PRPF3: variants seen among roughly 807,000 people sequenced by gnomAD.
PRPF3 encodes the protein pre-mRNA processing factor 3.
A neutral mutation model predicts 89.2 loss-of-function variants in PRPF3; 3 were observed. The observed-to-expected ratio is 0.03, with a 90% CI of 0.02 to 0.09. The LOEUF (loss-of-function observed/expected upper bound fraction) is 0.09, where lower values mean the gene tolerates loss of function less well. Ranked by LOEUF, PRPF3 falls within the 10% of genes least tolerant of loss-of-function variation. The pLI is 1.00. For synonymous variants in PRPF3, 270 were observed against 289.1 expected (o/e 0.93, Z 0.67); for missense variants, 463 against 828.8 (o/e 0.56, Z 5.42).
chr1:150,322,792 C>A (rs1473069471), intron 1 of PRPF3, among the ~76,000 whole-genome samples: 11 of 151,888 alleles, frequency 7.2e-5, no homozygotes, highest in Non-Finnish European at 1.3e-4. Context: ...AAGATGATTC[C>A]CAGATCTTTG....
chr1:150,334,819 T>G (rs1656798636), intron 6 of PRPF3, 116 bp from the exon 7 acceptor site: 1 of 1,253,876 alleles, frequency 8.0e-7, no homozygotes, highest in Non-Finnish European at 1.1e-6. Flanking sequence ...TCCCTCTGCC[T>G]TGGCCTCCCA....
chr1:150,342,647 C>T (rs55736278), intron 9 of PRPF3, among the ~76,000 whole-genome samples: 15 of 151,972 alleles, frequency 9.9e-5, no homozygotes, highest in Admixed American at 8.5e-4. Flanking sequence ...CTCAGCCTCC[C>T]GAGTAGCTGG....
At chr1:150,332,651 T>C in intron 4 of PRPF3, 33 bp from the exon 5 acceptor site, 1 of 1,604,330 alleles carries the variant, frequency 6.2e-7, no homozygotes, top group Non-Finnish European at 8.5e-7. Context: ...AAGGAGAAAT[T>C]AACAGTTTTT....
intron 3 of PRPF3, among the ~76,000 whole-genome samples, chr1:150,326,485 C>G (rs887579286): frequency 9.9e-5 from 15 of 152,078 alleles, no homozygotes; most frequent in Non-Finnish European, 2.1e-4. Flanking sequence ...ATCCTGGCCT[C>G]TTTCAGTATT....
At chr1:150,335,381 A>G in intron 7 of PRPF3, 140 bp downstream of exon 7, 4 of 1,008,240 alleles carry the variant, frequency 4.0e-6, no homozygotes, top group Non-Finnish European at 5.9e-6. Flanking sequence ...GGCACCAGGG[A>G]CTTGTTTCAT....
At chr1:150,322,102 T>C (rs1655115524) in intron 1 of PRPF3, among the ~76,000 whole-genome samples, 1 of 152,196 alleles carries the variant, frequency 6.6e-6, no homozygotes, top group Admixed American at 6.5e-5. Flanking sequence ...AACTTTTTTA[T>C]CCATTGGCTG....
intron 14 of PRPF3, among the ~76,000 whole-genome samples, chr1:150,348,241 G>A (rs1097066): frequency 0.6 from 90,809 of 151,364 alleles, 27,775 homozygotes; most frequent in African/African-American, 0.65. Flanking sequence ...TGAGCTGGGC[G>A]TGGCAGCGTG....
intron 15 of PRPF3, among the ~76,000 whole-genome samples, chr1:150,351,256 C>T (rs1658897863): frequency 6.6e-6 from 1 of 152,062 alleles, no homozygotes; most frequent in Non-Finnish European, 1.5e-5. Flanking sequence ...CAGTGCGAGA[C>T]TGTGTCTCAA....
intron 6 of PRPF3, among the ~76,000 whole-genome samples, chr1:150,333,640 G>A (rs1553866414): frequency 6.6e-6 from 1 of 152,138 alleles, no homozygotes; most frequent in African/African-American, 2.4e-5. Context: ...TATTTCTTAG[G>A]TGTGATTGAT....
intron 4 of PRPF3, chr1:150,329,759 G>T (rs1486747265): frequency 2.0e-5 from 3 of 152,078 alleles, no homozygotes; most frequent in Non-Finnish European, 4.4e-5. Flanking sequence ...GGAAAGAAAT[G>T]GATTTTTTTT....
intron 14 of PRPF3, among the ~76,000 whole-genome samples, chr1:150,348,153 C>T (rs770273852): frequency 2.6e-4 from 39 of 151,938 alleles, no homozygotes; most frequent in African/African-American, 9.4e-4. Context: ...GAGGCCGAGG[C>T]GGGTGGATCA....
At chr1:150,342,683 C>T (rs1398971095) in intron 9 of PRPF3, among the ~76,000 whole-genome samples, 1 of 151,938 alleles carries the variant, frequency 6.6e-6, no homozygotes, top group Admixed American at 6.6e-5. Context: ...CCACCACGCC[C>T]AGCTAATTTT....
chr1:150,322,948 C>T (rs1453675038), intron 1 of PRPF3, among the ~76,000 whole-genome samples: 1 of 150,920 alleles, frequency 6.6e-6, no homozygotes, highest in Non-Finnish European at 1.5e-5. Context: ...GATCTCGGCT[C>T]ACTGCAACCT....
At chr1:150,335,980 G>A (rs1242170712) in intron 7 of PRPF3, among the ~76,000 whole-genome samples, 1 of 151,228 alleles carries the variant, frequency 6.6e-6, no homozygotes, top group Non-Finnish European at 1.5e-5. Context: ...ATGTTGGCCC[G>A]GCTGGTCTTA....
At position 150,332,622 on chromosome 1, in the gene PRPF3, C is replaced by A. The variant is rs1365366268; in HGVS notation, c.424-62C>A. On this transcript the variant is annotated intron_variant, in intron 4 of 15. Coordinates refer to ENST00000324862, the MANE Select transcript of PRPF3 (RefSeq NM_004698.4). ...CCTGAGAGCCTTGTGGGTTTAAAAA[C>A]CTGAATGGGAGAAGTAAGAAGGAGA... 6 of 1,539,222 alleles carry A rather than the reference C, an allele frequency of 3.9e-6. No homozygotes were observed. The East Asian group carries it at 1.1e-4, about 29-fold the overall frequency.
intron 7 of PRPF3, among the ~76,000 whole-genome samples, chr1:150,336,173 C>T (rs1656972613): frequency 6.6e-6 from 1 of 152,068 alleles, no homozygotes; most frequent in Non-Finnish European, 1.5e-5. Flanking sequence ...GAAATGGTCC[C>T]ATTTGGGTGT....
At chr1:150,332,172 C>A (rs1311767049) in intron 4 of PRPF3, among the ~76,000 whole-genome samples, 1 of 150,750 alleles carries the variant, frequency 6.6e-6, no homozygotes, top group Non-Finnish European at 1.5e-5. Flanking sequence ...TGCAGTGAGC[C>A]AAGATCGCAC....
At chr1:150,333,734 C>T (rs1460976958) in intron 6 of PRPF3, among the ~76,000 whole-genome samples, 1 of 152,010 alleles carries the variant, frequency 6.6e-6, no homozygotes, top group East Asian at 1.9e-4. Context: ...TAAGGTTATT[C>T]ATCTAATGTT....
chr1:150,340,576 A>G, intron 9 of PRPF3, 99 bp downstream of exon 9: 5 of 898,764 alleles, frequency 5.6e-6, no homozygotes, highest in Non-Finnish European at 9.2e-6. Context: ...GTTCAATACA[A>G]TAGCCACTAC....
Sources: gnomAD v4.1 joint callset for allele counts (sites outside exome capture counted in the v4.1 genomes callset) on GRCh38, gnomAD v4.1.1 for gene constraint, MANE v1.5 for transcripts, NCBI Gene and HGNC (gene_info 2026-07-23, HGNC 2026-07-21) for gene names.